The following MAPRE2 variants were observed in gnomAD, a reference collection of about 807,000 sequenced individuals.
MAPRE2 encodes the protein microtubule associated protein RP/EB family member 2.
In MAPRE2, 13 loss-of-function variants were observed where a neutral mutation model predicts 43.2. The observed-to-expected ratio is 0.30, with a 90% CI of 0.20 to 0.48. The LOEUF (loss-of-function observed/expected upper bound fraction) is 0.48. MAPRE2 is among the 20% of genes least tolerant of loss of function. The pLI is 0.99. For missense variants in MAPRE2, 161 were observed against 400.2 expected (o/e 0.40, Z 5.10); for synonymous variants, 135 against 148.8 (o/e 0.91, Z 0.68).
At chr18:35,015,809 A>T (rs942845333) in intron 2 of MAPRE2, among the ~76,000 whole-genome samples, 1 of 151,814 alleles carries the variant, frequency 6.6e-6, no homozygotes, top group African/African-American at 2.4e-5. Flanking sequence ...TACTTTTTAC[A>T]TTTCTACTTT....
At chr18:35,084,936 C>T (rs575006225) in intron 2 of MAPRE2, among the ~76,000 whole-genome samples, 70 of 152,188 alleles carry the variant, frequency 4.6e-4, no homozygotes, top group African/African-American at 1.7e-3. Flanking sequence ...TCCAAAGTTC[C>T]CCTTAACAGA....
At chr18:34,999,276 G>C (rs1456829014) in intron 1 of MAPRE2, among the ~76,000 whole-genome samples, 1 of 152,142 alleles carries the variant, frequency 6.6e-6, no homozygotes, top group Non-Finnish European at 1.5e-5. Flanking sequence ...TGTAATTATA[G>C]AAACACTTTA....
chr18:35,053,573 G>A (rs1181045748), intron 1 of MAPRE2, among the ~76,000 whole-genome samples: 2 of 151,938 alleles, frequency 1.3e-5, no homozygotes, highest in African/African-American at 4.8e-5. Flanking sequence ...TTCTAGTTCT[G>A]TGGAGAAGAA....
chr18:35,090,569 T>C (rs1256214985), intron 2 of MAPRE2, among the ~76,000 whole-genome samples: 2 of 151,678 alleles, frequency 1.3e-5, no homozygotes, highest in Admixed American at 1.3e-4. Flanking sequence ...CTGTCTCCAC[T>C]AAAAATACAA....
At chr18:35,055,559 G>GTGTGTGTGTGTGTGTGTA in intron 1 of MAPRE2, among the ~76,000 whole-genome samples, 1 of 149,496 alleles carries the variant, frequency 6.7e-6, no homozygotes, top group African/African-American at 2.5e-5. Flanking sequence ...GTGTGTGTGT[G>GTGTGTGTGTGTGTGTGTA]TGTGTATGTG....
At chr18:34,995,834 AGAAAGAGCCT>A (rs2097026220) in intron 1 of MAPRE2, among the ~76,000 whole-genome samples, 1 of 152,236 alleles carries the variant, frequency 6.6e-6, no homozygotes, top group Non-Finnish European at 1.5e-5. Context: ...AGCAGATTCT[AGAAAGAGCCT>A]GAAGCACAGA....
intron 1 of MAPRE2, among the ~76,000 whole-genome samples, chr18:35,004,042 T>C (rs768211160): frequency 4.6e-5 from 7 of 152,146 alleles, no homozygotes; most frequent in African/African-American, 7.2e-5. Flanking sequence ...CCAAGTTTAT[T>C]AATTATTTTT....
At chr18:35,042,495 C>G (rs1905419327) in intron 1 of MAPRE2, among the ~76,000 whole-genome samples, 1 of 152,128 alleles carries the variant, frequency 6.6e-6, no homozygotes, top group Admixed American at 6.5e-5. Flanking sequence ...ATTAACATAT[C>G]TGGCAATATG....
chr18:35,097,595 G>A lies in MAPRE2; in HGVS notation c.396+4G>A, dbSNP rs977568941. On this transcript the variant is annotated splice_donor_region_variant and intron_variant, in intron 3 of 6. Coordinates refer to ENST00000300249, the MANE Select transcript of MAPRE2 (RefSeq NM_014268.4). ...TAAGCGAATGAACGTTGATAAGGTA[G>A]GAGACTTGTACCTCCATAAAATGTG... The A allele has an allele frequency of 2.4e-5, 38 of 1,609,850 alleles. No individual in the cohort carries two copies. The Admixed American group carries it at 5.9e-4, about 25-fold the overall frequency.
intron 1 of MAPRE2, among the ~76,000 whole-genome samples, chr18:35,067,114 A>G (rs573999056): frequency 6.6e-6 from 1 of 152,334 alleles, no homozygotes; most frequent in Admixed American, 6.5e-5. Flanking sequence ...CCCCTGCCAC[A>G]GGGCTTGTGA....
intron 4 of MAPRE2, among the ~76,000 whole-genome samples, chr18:35,118,183 T>A (rs970969389): frequency 1.3e-5 from 2 of 152,098 alleles, no homozygotes; most frequent in Non-Finnish European, 2.9e-5. Context: ...GGTCCTCAGG[T>A]GCTGACCACT....
At chr18:35,093,517 G>C (rs1908258667) in intron 2 of MAPRE2, among the ~76,000 whole-genome samples, 2 of 152,152 alleles carry the variant, frequency 1.3e-5, no homozygotes, top group Admixed American at 1.3e-4. Flanking sequence ...ATCAACCTTA[G>C]TGTCCATCAG....
intron 1 of MAPRE2, 29 bp downstream of exon 1, chr18:35,041,690 G>A (rs1321825188): frequency 6.2e-6 from 10 of 1,613,668 alleles, no homozygotes; most frequent in Admixed American, 1.7e-5. Context: ...GAGCAGCGCC[G>A]GGGACCGCCG....
At chr18:35,005,492 T>C in exon 2 of MAPRE2, 1 of 1,531,456 alleles carries the variant, frequency 6.5e-7, no homozygotes, top group South Asian at 1.2e-5. Context: ...ACTATCCCAG[T>C]GTCCTGTTTC....
chr18:35,016,619 G>A (rs766978134), intron 2 of MAPRE2, among the ~76,000 whole-genome samples: 1 of 151,900 alleles, frequency 6.6e-6, no homozygotes, highest in Non-Finnish European at 1.5e-5. Flanking sequence ...AGCAATGTCT[G>A]TTCATGTTTT....
rs1906719008 is a variant in MAPRE2 at position 35,064,241 on chromosome 18, C to G, written c.123-5954C>G. Among the ~76,000 whole-genome samples, 7 of 151,850 alleles carry G rather than the reference C, an allele frequency of 4.6e-5. No individual in the cohort carries two copies. The South Asian group carries it at 1.5e-3, about 32-fold the overall frequency. On this transcript the variant is annotated intron_variant, in intron 1 of 6. Transcript: ENST00000300249. ...ATAGGTTCCACATTAAACCCTTTTC[C>G]TTATAGCCACACACCTCAAATGGGA...
chr18:35,040,218 A>AT (rs1267891083), upstream of MAPRE2, among the ~76,000 whole-genome samples: 2 of 151,422 alleles, frequency 1.3e-5, no homozygotes, highest in East Asian at 3.9e-4. Context: ...AATAATAATA[A>AT]AAAAAAAATC....
chr18:34,980,258 G>T (rs1252724867), intron 1 of MAPRE2, among the ~76,000 whole-genome samples: 1 of 151,662 alleles, frequency 6.6e-6, no homozygotes, highest in Non-Finnish European at 1.5e-5. Flanking sequence ...CTCCTGACCT[G>T]AGGTGATCCA....
At chr18:35,126,478 CT>C (rs758954349) in intron 4 of MAPRE2, among the ~76,000 whole-genome samples, 1 of 152,168 alleles carries the variant, frequency 6.6e-6, no homozygotes, top group African/African-American at 2.4e-5. Context: ...CTCTTAGGTA[CT>C]TTAGTGGCTA....
Sources: gnomAD v4.1 joint callset for allele counts (sites outside exome capture counted in the v4.1 genomes callset) on GRCh38, gnomAD v4.1.1 for gene constraint, MANE v1.5 for transcripts, NCBI Gene and HGNC (gene_info 2026-07-23, HGNC 2026-07-21) for gene names.